The following ARHGEF10 variants were observed in gnomAD, a reference collection of about 807,000 sequenced individuals.
ARHGEF10 encodes the protein Rho guanine nucleotide exchange factor 10.
ARHGEF10 carries 140 observed loss-of-function variants against 147.4 expected under a neutral mutation model. The ratio of observed to expected loss-of-function variants is 0.95; its 90% CI spans 0.83 to 1.09. The LOEUF (loss-of-function observed/expected upper bound fraction) is 1.09, where lower values mean the gene tolerates loss of function less well. Ranked by LOEUF, ARHGEF10 falls within the 50% of genes least tolerant of loss-of-function variation. The probability of loss-of-function intolerance (pLI) is 0.00; values close to 1 mark genes in which losing one functional copy is unlikely to be tolerated. For synonymous variants in ARHGEF10, 902 were observed against 695.8 expected (o/e 1.30, Z -4.67); for missense variants, 2,222 against 1,752.7 (o/e 1.27, Z -4.78).
chr8:1,933,712 C>T (rs1005517288), intron 25 of ARHGEF10, 88 bp from the exon 26 acceptor site: 1 of 1,492,354 alleles, frequency 6.7e-7, no homozygotes, highest in Non-Finnish European at 9.3e-7. Context: ...CTTCGGGTGT[C>T]AGTTACTTAA....
At chr8:1,823,653 C>G (rs2129023771), upstream of ARHGEF10, among the ~76,000 whole-genome samples, 2 of 151,800 alleles carry the variant, frequency 1.3e-5, no homozygotes, top group African/African-American at 4.8e-5. Flanking sequence ...CCCAGCGACC[C>G]CTCCCGAAGT....
At chr8:1,947,047 G>A (rs74707125) in intron 27 of ARHGEF10, among the ~76,000 whole-genome samples, 9 of 152,236 alleles carry the variant, frequency 5.9e-5, no homozygotes, top group African/African-American at 2.2e-4. Flanking sequence ...TCAGAAAGCA[G>A]ACGCTCTGCT....
At chr8:1,840,562 T>C (rs1173201080) in intron 1 of ARHGEF10, among the ~76,000 whole-genome samples, 1 of 150,546 alleles carries the variant, frequency 6.6e-6, no homozygotes, top group Non-Finnish European at 1.5e-5. Context: ...AGCTGTCTGA[T>C]ATGGGGACTG....
intron 13 of ARHGEF10, 145 bp downstream of exon 13, chr8:1,894,717 G>A: frequency 1.1e-6 from 1 of 916,502 alleles, no homozygotes; most frequent in East Asian, 2.6e-5. Context: ...AAGTTGCAAT[G>A]CCCTGGCCAA....
At chr8:1,936,773 G>A (rs1165704061) in intron 26 of ARHGEF10, among the ~76,000 whole-genome samples, 1 of 152,174 alleles carries the variant, frequency 6.6e-6, no homozygotes, top group Admixed American at 6.5e-5. Context: ...ACACACTGAC[G>A]AGACCGGTTT....
At chr8:1,907,550 C>A (rs1171530103) in intron 17 of ARHGEF10, among the ~76,000 whole-genome samples, 1 of 152,222 alleles carries the variant, frequency 6.6e-6, no homozygotes, top group East Asian at 1.9e-4. Flanking sequence ...CCTCAGGCTG[C>A]TGTTGGGGAG....
intron 15 of ARHGEF10, among the ~76,000 whole-genome samples, chr8:1,899,543 ATAAATGT>A (rs1810291330): frequency 6.6e-6 from 1 of 152,218 alleles, no homozygotes; most frequent in Non-Finnish European, 1.5e-5. Flanking sequence ...TTCTTTTTAA[ATAAATGT>A]AGTCATCAAA....
intron 10 of ARHGEF10, among the ~76,000 whole-genome samples, chr8:1,883,402 C>A (rs745487915): frequency 6.6e-6 from 1 of 152,106 alleles, no homozygotes; most frequent in South Asian, 2.1e-4. Context: ...CGCTGTGACT[C>A]TGACCTGGCA....
chr8:1,848,369 AAAGTTTGAACTCAGCTCTCCG>A (rs1338119806), intron 2 of ARHGEF10, among the ~76,000 whole-genome samples: 3 of 152,150 alleles, frequency 2.0e-5, no homozygotes, highest in Non-Finnish European at 4.4e-5. Flanking sequence ...GCCAGCAAGC[AAAGTTTGAACTCAGCTCTCCG>A]ACTCCAGAAG....
At chr8:1,895,031 A>T (rs1056565665) in intron 13 of ARHGEF10, among the ~76,000 whole-genome samples, 1 of 152,176 alleles carries the variant, frequency 6.6e-6, no homozygotes, top group Non-Finnish European at 1.5e-5. Context: ...TGATGGGAAA[A>T]TTCCTAGATG....
chr8:1,897,778 G>A (rs1333115118), intron 14 of ARHGEF10, among the ~76,000 whole-genome samples: 4 of 152,142 alleles, frequency 2.6e-5, no homozygotes, highest in African/African-American at 9.7e-5. Flanking sequence ...GCCAGCCGTG[G>A]CCGTGACCGC....
At chr8:1,924,142 A>G (rs1812505360) in intron 21 of ARHGEF10, among the ~76,000 whole-genome samples, 1 of 152,228 alleles carries the variant, frequency 6.6e-6, no homozygotes, top group Non-Finnish European at 1.5e-5. Context: ...AGGCAGCTGA[A>G]CACAGAGGAA....
intron 7 of ARHGEF10, 170 bp downstream of exon 7, chr8:1,869,420 A>T (rs1428997030): frequency 1.4e-6 from 1 of 717,812 alleles, no homozygotes; most frequent in Non-Finnish European, 2.5e-6. Context: ...GTTTGTGCAC[A>T]TATGTGTGTG....
chr8:1,840,064 G>T (rs1427516035), intron 1 of ARHGEF10, among the ~76,000 whole-genome samples: 13 of 136,878 alleles, frequency 9.5e-5, no homozygotes, highest in African/African-American at 3.5e-4. Context: ...GGGACTGTCT[G>T]GTGTGGAAGC....
At chr8:1,902,447 G>C (rs1168789213) in intron 15 of ARHGEF10, among the ~76,000 whole-genome samples, 1 of 152,068 alleles carries the variant, frequency 6.6e-6, no homozygotes, top group Non-Finnish European at 1.5e-5. Context: ...CCCTCCCTTT[G>C]ACCTCCTCGT....
chr8:1,880,128 G>A lies in ARHGEF10; in HGVS notation c.924G>A (p.Val308=), dbSNP rs929480779. ...TGATGGCAAGCACGGTGGGCGTGGT[G>A]GAGATTCAGCAGCTCAGGCAGAAGC... is the stretch of plus-strand genomic sequence containing the variant. ...RDLMASTVGV[V]EIQQLRQKHE... is the part of the protein sequence containing the mutation. Residue 308 remains valine (V), a synonymous_variant, in exon 9 of 29, where the codon GTG becomes GTA. Transcript: ENST00000349830. 1.2e-6 allele frequency: 2 copies of A among 1,614,062 alleles called. No homozygotes were observed. The highest frequency in any genetic ancestry group is 1.7e-6 in the Non-Finnish European group (2 of 1,179,986).
intron 1 of ARHGEF10, among the ~76,000 whole-genome samples, chr8:1,838,705 C>G (rs924573735): frequency 6.6e-6 from 1 of 152,280 alleles, no homozygotes; most frequent in African/African-American, 2.4e-5. Context: ...AGCATTGATG[C>G]CATCTGGCGT....
intron 23 of ARHGEF10, chr8:1,926,778 C>A (rs767064197): frequency 1.8e-5 from 7 of 383,964 alleles, no homozygotes; most frequent in Non-Finnish European, 2.9e-5. Flanking sequence ...GTCAACATTG[C>A]ATGGATTTTT....
At chr8:1,903,852 G>C in intron 16 of ARHGEF10, 1 of 267,098 alleles carries the variant, frequency 3.7e-6, no homozygotes, top group Non-Finnish European at 7.3e-6. Flanking sequence ...CCAGCACTTT[G>C]GGAGGCTGAG....
Sources: allele counts gnomAD v4.1 joint callset (sites outside exome capture counted in the v4.1 genomes callset), GRCh38; gene constraint gnomAD v4.1.1; transcripts MANE v1.5; gene names NCBI Gene and HGNC (gene_info 2026-07-23, HGNC 2026-07-21).